The following CROCC variants were observed in gnomAD, a reference collection of about 807,000 sequenced individuals.
The protein encoded by CROCC is rootletin.
A neutral mutation model predicts 245.2 loss-of-function variants in CROCC; 180 were observed. That is an observed-to-expected ratio of 0.73 (90% CI 0.65 to 0.83). The LOEUF is 0.83. CROCC is among the 40% of genes least tolerant of loss of function. CROCC has a pLI of 0.00. For missense variants in CROCC, 2,688 were observed against 2,779.4 expected (o/e 0.97, Z 0.74); for synonymous variants, 1,205 against 1,241.6 (o/e 0.97, Z 0.62).
chr1:16,923,147 C>A (rs1440041818), intron 2 of CROCC, among the ~76,000 whole-genome samples: 1 of 152,240 alleles, frequency 6.6e-6, no homozygotes, highest in Non-Finnish European at 1.5e-5. Flanking sequence ...CAGCTCAGAC[C>A]AGGGTTTTGC....
chr1:16,947,487 A>AATAATAATAATAATAATAATG (rs1266136687), intron 17 of CROCC, among the ~76,000 whole-genome samples: 15 of 150,748 alleles, frequency 1.0e-4, no homozygotes, highest in African/African-American at 3.4e-4. Context: ...TAATAATAAT[A>AATAATAATAATAATAATAATG]ATAATAATAA....
chr1:16,961,974 C>T (rs2100530570), intron 27 of CROCC, among the ~76,000 whole-genome samples: 1 of 152,312 alleles, frequency 6.6e-6, no homozygotes, highest in Non-Finnish European at 1.5e-5. Flanking sequence ...TATACTCCCA[C>T]ATACTTTCAG....
intron 14 of CROCC, among the ~76,000 whole-genome samples, chr1:16,944,603 C>T (rs1370460166): frequency 1.3e-5 from 2 of 152,290 alleles, no homozygotes; most frequent in African/African-American, 4.8e-5. Flanking sequence ...ACTAATTTCA[C>T]TAAGTGCCAG....
At position 16,972,557 on chromosome 1, in the gene CROCC, G is replaced by A. The variant is rs888667662; in HGVS notation, c.*111G>A. 13 of 677,982 alleles carry A rather than the reference G, an allele frequency of 1.9e-5. No homozygotes were observed. The highest frequency in any genetic ancestry group is 3.2e-5 in the Non-Finnish European group (13 of 411,146). The allele number at this position is 677,982 out of a possible 1,614,324, so 42.0% of individuals were successfully genotyped here. ...TCCCTTGGGGGCCTCAAGCTGGGGT[G>A]GGATGAGGAGGCGCTCTGCTGGCAG... On this transcript the variant is annotated 3_prime_UTR_variant, in exon 37 of 37. Transcript: ENST00000375541.
chr1:16,969,051 G>C lies in CROCC; in HGVS notation c.5077-65G>C, dbSNP rs757409313. On this transcript the variant is annotated intron_variant, in intron 31 of 36. Transcript: ENST00000375541. ...TTGGGCATGCCAGGTGGAGGTCACA[G>C]TGGGAGCAGAGGTATAGAGGCCAGA... The C allele has an allele frequency of 1.0e-5, 15 of 1,473,276 alleles. No homozygotes were observed. In the African/African-American group the frequency reaches 2.1e-4, roughly 20 times the overall value. 91.3% of individuals were successfully genotyped at this position (1,473,276 alleles called of 1,614,324 possible).
At chr1:16,958,051 C>T (rs867007820) in intron 25 of CROCC, among the ~76,000 whole-genome samples, 4 of 152,176 alleles carry the variant, frequency 2.6e-5, no homozygotes, top group Admixed American at 2.0e-4. Context: ...TGTCTCAGAT[C>T]GAATCCCAGT....
At chr1:16,959,108 C>T (rs1417475451) in intron 26 of CROCC, among the ~76,000 whole-genome samples, 6 of 152,174 alleles carry the variant, frequency 3.9e-5, no homozygotes, top group South Asian at 4.1e-4. Context: ...CTGCAACCTC[C>T]GCCTCCTGGG....
intron 20 of CROCC, among the ~76,000 whole-genome samples, chr1:16,952,375 C>G (rs1302256891): frequency 2.0e-5 from 3 of 151,852 alleles, no homozygotes; most frequent in Admixed American, 1.3e-4. Flanking sequence ...GTCCCAGATA[C>G]TTGGGAGGGT....
At chr1:16,937,813 C>T in intron 10 of CROCC, 76 bp downstream of exon 10, 2 of 1,278,376 alleles carry the variant, frequency 1.6e-6, no homozygotes, top group Non-Finnish European at 2.2e-6. Flanking sequence ...AGGCTTAGGG[C>T]TGGGCTGCCT....
rs547593208 is a variant in CROCC, at chr1:16,944,124, C to G, written c.1833C>G (p.Ser611Arg). ...GGGAGAAGAGCAACCTGGCCCACAGCCTGCAGGTGGCCCAGCAGCAGGCCG... is the reference window on the plus strand; with the variant it reads ...GGGAGAAGAGCAACCTGGCCCACAGGCTGCAGGTGGCCCAGCAGCAGGCCG... The part of the protein sequence containing the change: ...LSREKSNLAH[S>R]LQVAQQQAEE... Residue 611 changes from serine to arginine, a missense_variant, in exon 14 of 37, where the codon AGC becomes AGG. Ser to Arg is a moderately radical substitution (Grantham distance 110). Transcript: ENST00000375541. 6.4e-7 allele frequency: 1 copy of G among 1,558,368 alleles called. No individual in the cohort carries two copies. The highest frequency in any genetic ancestry group is 1.2e-5 in the South Asian group (1 of 84,212).
chr1:16,943,110 CACAT>C (rs2075967316), intron 13 of CROCC, among the ~76,000 whole-genome samples: 2 of 152,228 alleles, frequency 1.3e-5, no homozygotes, highest in Non-Finnish European at 2.9e-5. Context: ...TCCGTGGTGG[CACAT>C]GGCTGTAATC....
Position 16,953,385 on chromosome 1 carries a change from G to T in CROCC, c.3090G>T (p.Arg1030=). The T allele has an allele frequency of 1.2e-6, 2 of 1,610,546 alleles. No homozygotes were observed. Among genetic ancestry groups the T allele is most frequent in the Non-Finnish European group, 1.7e-6 (2 of 1,179,702 alleles). ...LQREQEELLA[R]LEAEKEELSE... The stretch of plus-strand genomic sequence containing the variant: ...GTGAGCAGGAGGAGCTGCTGGCCCG[G>T]CTGGAGGCTGAGAAGGAAGAGCTGA... The change falls in exon 21 of 37, where the codon CGG becomes CGT. Residue 1030 remains arginine, a synonymous_variant. Coordinates refer to ENST00000375541, the MANE Select transcript of CROCC (RefSeq NM_014675.5).
chr1:16,958,506 T>C lies in CROCC; in HGVS notation c.3865-77T>C. ...ATACATGTGTCCCTACAGCAGTAGG[T>C]ACCAAGTGGCCTTGGGCCAGAACTG... On this transcript the variant is annotated intron_variant, in intron 25 of 36. Coordinates refer to ENST00000375541, the MANE Select transcript of CROCC (RefSeq NM_014675.5). The C allele has an allele frequency of 2.7e-6, 4 of 1,507,688 alleles. No individual in the cohort carries two copies. In the South Asian group the frequency reaches 3.6e-5, roughly 14 times the overall value. 93.4% of individuals were successfully genotyped at this position (1,507,688 alleles called of 1,614,324 possible). A position where few individuals can be genotyped will look rare whatever the true frequency, so the allele number is the denominator to read the frequency against.
chr1:16,916,805 A>C (rs1163613097), intron 1 of CROCC, among the ~76,000 whole-genome samples: 3 of 152,270 alleles, frequency 2.0e-5, no homozygotes. Flanking sequence ...GAGTCAGTGC[A>C]CCCGGCTTGC....
At chr1:16,958,521 G>A (rs2076281623) in intron 25 of CROCC, 62 bp from the exon 26 acceptor site, 3 of 1,538,086 alleles carry the variant, frequency 2.0e-6, no homozygotes, top group African/African-American at 2.8e-5. Context: ...AGTGGCCTTG[G>A]GCCAGAACTG....
At chr1:16,944,438 A>G (rs1305098519) in intron 14 of CROCC, among the ~76,000 whole-genome samples, 156 bp downstream of exon 14, 1 of 152,296 alleles carries the variant, frequency 6.6e-6, no homozygotes, top group African/African-American at 2.4e-5. Context: ...CCATTTCAGG[A>G]AACTGGGGCT....
At chr1:16,962,554 A>AC (rs2076350851) in intron 27 of CROCC, among the ~76,000 whole-genome samples, 1 of 146,480 alleles carries the variant, frequency 6.8e-6, no homozygotes, top group African/African-American at 2.5e-5. Context: ...AAAAAAAAAA[A>AC]AAAAAAACAG....
chr1:16,948,317 T>G lies in CROCC; in HGVS notation c.2515-14T>G. The G allele has an allele frequency of 6.4e-7, 1 of 1,551,826 alleles. No homozygotes were observed. The highest frequency in any genetic ancestry group is 8.7e-7 in the Non-Finnish European group (1 of 1,154,446). ...GACGCTGGGAGTGCTACTCAGTCTC[T>G]GGGTGGGGGCCAGCTCTCCCGGCAG... On this transcript the variant is annotated splice_polypyrimidine_tract_variant and intron_variant, in intron 17 of 36. Coordinates refer to ENST00000375541, the MANE Select transcript of CROCC (RefSeq NM_014675.5).
At chr1:16,922,104 C>T in intron 1 of CROCC, 26 bp downstream of exon 1, 1 of 1,525,630 alleles carries the variant, frequency 6.6e-7, no homozygotes, top group Non-Finnish European at 8.8e-7. Context: ...TGTGCCCACC[C>T]TGTCTGGGGC....
Sources: gnomAD v4.1 joint callset for allele counts (sites outside exome capture counted in the v4.1 genomes callset) on GRCh38, gnomAD v4.1.1 for gene constraint, MANE v1.5 for transcripts, NCBI Gene and HGNC (gene_info 2026-07-23, HGNC 2026-07-21) for gene names.